Variants in MIR2052HG observed in about 807,000 individuals in gnomAD.
MIR2052HG encodes the protein MIR2052 host gene.
intron 4 of MIR2052HG, among the ~76,000 whole-genome samples, chr8:74,735,888 C>T (rs1426597401): frequency 6.6e-6 from 1 of 152,166 alleles, no homozygotes; most frequent in Non-Finnish European, 1.5e-5. Flanking sequence ...TAGTGCAACA[C>T]AGAAATTTGA....
chr8:74,751,410 A>G (rs936353621), intron 4 of MIR2052HG, among the ~76,000 whole-genome samples: 2 of 152,218 alleles, frequency 1.3e-5, no homozygotes, highest in African/African-American at 4.8e-5. Flanking sequence ...GTTTTCAGGC[A>G]TGACTTACAG....
intron 2 of MIR2052HG, among the ~76,000 whole-genome samples, chr8:74,664,451 T>A (rs1436431722): frequency 5.3e-5 from 8 of 152,130 alleles, no homozygotes; most frequent in Non-Finnish European, 1.2e-4. Flanking sequence ...CTTACTTGAA[T>A]CTTTCTTGTT....
At chr8:74,684,613 G>C (rs1388603583) in intron 2 of MIR2052HG, among the ~76,000 whole-genome samples, 2 of 151,980 alleles carry the variant, frequency 1.3e-5, no homozygotes, top group Non-Finnish European at 2.9e-5. Flanking sequence ...AGTCAAAATA[G>C]AAAGTCAAAA....
chr8:74,718,111 A>T (rs1425760), intron 4 of MIR2052HG, among the ~76,000 whole-genome samples: 20,781 of 152,206 alleles, frequency 0.14, 3,581 homozygotes, highest in African/African-American at 0.4. Context: ...TATTACTACA[A>T]CAGGTTTTGA....
intron 4 of MIR2052HG, among the ~76,000 whole-genome samples, chr8:74,719,432 T>C (rs1174037610): frequency 6.6e-6 from 1 of 152,186 alleles, no homozygotes; most frequent in Non-Finnish European, 1.5e-5. Flanking sequence ...TGGCCTTCTC[T>C]CCCTGGTTTG....
chr8:74,661,716 C>G (rs1207033877), intron 2 of MIR2052HG, among the ~76,000 whole-genome samples: 1 of 152,102 alleles, frequency 6.6e-6, no homozygotes, highest in Admixed American at 6.6e-5. Context: ...TGGCATTCAT[C>G]TGAACCAAGA....
chr8:74,615,715 C>G (rs966026784), intron 2 of MIR2052HG, among the ~76,000 whole-genome samples: 1 of 151,894 alleles, frequency 6.6e-6, no homozygotes, highest in Non-Finnish European at 1.5e-5. Flanking sequence ...CACCCATTAA[C>G]TCGTCATTTA....
intron 4 of MIR2052HG, among the ~76,000 whole-genome samples, chr8:74,724,080 T>C (rs1278684576): frequency 6.6e-6 from 1 of 152,244 alleles, no homozygotes; most frequent in Non-Finnish European, 1.5e-5. Flanking sequence ...TTATGCCTGT[T>C]TGTGTTTAAA....
rs1016288833 is a variant in MIR2052HG at position 74,638,035 on chromosome 8, G to A, written n.216+25095G>A. Among the ~76,000 whole-genome samples the A allele has an allele frequency of 2.0e-5, 3 of 152,174 alleles. No individual in the cohort carries two copies. In the South Asian group the frequency reaches 6.2e-4, roughly 32 times the overall value. On this transcript the variant is annotated intron_variant and non_coding_transcript_variant, in intron 2 of 6. Transcript: ENST00000523442. ...AAGTAAATGCAATAAATTGTGATGA[G>A]TATTATAAAAGAACAAAAAATTATA... is the stretch of plus-strand genomic sequence containing the variant.
intron 2 of MIR2052HG, among the ~76,000 whole-genome samples, chr8:74,629,809 A>G (rs1435544045): frequency 6.6e-6 from 1 of 152,172 alleles, no homozygotes; most frequent in African/African-American, 2.4e-5. Flanking sequence ...AAGCTTGAAT[A>G]GGGATGTTTC....
intron 2 of MIR2052HG, among the ~76,000 whole-genome samples, chr8:74,664,761 G>A (rs1397204455): frequency 6.6e-6 from 1 of 151,990 alleles, no homozygotes; most frequent in Non-Finnish European, 1.5e-5. Context: ...CAGGTGATTC[G>A]CCCACCTCAG....
In MIR2052HG at chr8:74,734,959, A is replaced by G. The variant is rs139956256; in HGVS notation, n.372-17482A>G. Among the ~76,000 whole-genome samples the G allele has an allele frequency of 1.8e-4, 27 of 152,340 alleles. No homozygotes were observed. The East Asian group carries it at 5.2e-3, about 29-fold the overall frequency. On this transcript the variant is annotated intron_variant and non_coding_transcript_variant, in intron 4 of 6. Transcript: ENST00000523442. Reference sequence around the variant, plus strand: ...AAATACCCTGGAGCTACATATGTACAATGCTGAACATATCTGTCAGTGGCC... The same window carrying G: ...AAATACCCTGGAGCTACATATGTACGATGCTGAACATATCTGTCAGTGGCC...
intron 4 of MIR2052HG, among the ~76,000 whole-genome samples, chr8:74,732,578 A>T (rs149269501): frequency 6.6e-6 from 1 of 152,210 alleles, no homozygotes; most frequent in African/African-American, 2.4e-5. Context: ...TAACATATAC[A>T]CAATAAGTAA....
chr8:74,706,003 G>A (rs1042338615), intron 4 of MIR2052HG, among the ~76,000 whole-genome samples: 1 of 152,036 alleles, frequency 6.6e-6, no homozygotes, highest in African/African-American at 2.4e-5. Flanking sequence ...AAGGAGACAG[G>A]GTAATAGAAA....
intron 2 of MIR2052HG, among the ~76,000 whole-genome samples, chr8:74,652,811 G>T (rs1468059865): frequency 6.6e-6 from 1 of 152,146 alleles, no homozygotes; most frequent in African/African-American, 2.4e-5. Flanking sequence ...CCACCAACAA[G>T]TATGCTTTGA....
At chr8:74,691,544 AG>A (rs1477050136) in intron 2 of MIR2052HG, among the ~76,000 whole-genome samples, 1 of 152,204 alleles carries the variant, frequency 6.6e-6, no homozygotes, top group Non-Finnish European at 1.5e-5. Flanking sequence ...GGCAATTCCC[AG>A]TGATAAATAG....
At chr8:74,678,498 G>A (rs1334772084) in intron 2 of MIR2052HG, among the ~76,000 whole-genome samples, 4 of 148,902 alleles carry the variant, frequency 2.7e-5, no homozygotes, top group African/African-American at 1.0e-4. Context: ...GGGAGGTGGA[G>A]GTTGCGGTGA....
intron 4 of MIR2052HG, among the ~76,000 whole-genome samples, chr8:74,711,190 A>G (rs1317780332): frequency 6.6e-6 from 1 of 152,174 alleles, no homozygotes; most frequent in African/African-American, 2.4e-5. Context: ...TAGCTAGGTC[A>G]TATTCTAGCT....
At chr8:74,618,485 A>G (rs1203859311) in intron 2 of MIR2052HG, among the ~76,000 whole-genome samples, 2 of 152,186 alleles carry the variant, frequency 1.3e-5, no homozygotes, top group Non-Finnish European at 2.9e-5. Flanking sequence ...GGGGGCTTAT[A>G]GTACATTAAG....
Sources: gnomAD v4.1 joint callset for allele counts (sites outside exome capture counted in the v4.1 genomes callset) on GRCh38, gnomAD v4.1.1 for gene constraint, MANE v1.5 for transcripts, NCBI Gene and HGNC (gene_info 2026-07-23, HGNC 2026-07-21) for gene names.